Variants in RFTN1 observed in about 807,000 individuals in gnomAD.
The protein encoded by RFTN1 is raftlin, lipid raft linker 1.
In RFTN1, 26 loss-of-function variants were observed where a neutral mutation model predicts 46.5. That is an observed-to-expected ratio of 0.56 (90% confidence interval 0.41 to 0.78). The LOEUF (loss-of-function observed/expected upper bound fraction) is 0.78. Ranked by LOEUF, RFTN1 falls within the 30% of genes least tolerant of loss-of-function variation. The pLI is 0.00. For missense variants in RFTN1, 693 were observed against 718.7 expected (o/e 0.96, Z 0.41); for synonymous variants, 261 against 284.2 (o/e 0.92, Z 0.82).
chr3:16,387,769 G>A lies in RFTN1; in HGVS notation c.442-9667C>T, dbSNP rs975701945. Reference sequence around the variant, plus strand: ...CCACTCACTCTCTAGCTTCTGTACTGCCTCCTCACCGGCAGCTCCCCACAG... The same window carrying A: ...CCACTCACTCTCTAGCTTCTGTACTACCTCCTCACCGGCAGCTCCCCACAG... On this transcript the variant is annotated intron_variant, in intron 4 of 9. Transcript: ENST00000334133. The surrounding 1 kb of genome is among the most constrained non-coding windows in gnomAD (Gnocchi z 5.2). Among the ~76,000 whole-genome samples, 1 of 151,834 alleles carries A rather than the reference G, an allele frequency of 6.6e-6. No homozygotes were observed. The highest frequency in any genetic ancestry group is 2.4e-5 in the African/African-American group (1 of 41,286).
chr3:16,393,851 G>A lies in RFTN1; in HGVS notation c.441+15524C>T, dbSNP rs147951429. Among the ~76,000 whole-genome samples, 1,280 of 151,892 alleles carry A rather than the reference G, an allele frequency of 8.4e-3. 7 individuals are homozygous for A. The highest frequency in any genetic ancestry group is 0.014 in the Non-Finnish European group (926 of 67,952). On this transcript the variant is annotated intron_variant, in intron 4 of 9. Coordinates refer to ENST00000334133, the MANE Select transcript of RFTN1 (RefSeq NM_015150.2). Reference sequence around the variant, plus strand: ...TTTTTTTGTATTTTTAGTATAGACGGGGTTTCACCGTGTTAGCCAGGATCA... The same window carrying A: ...TTTTTTTGTATTTTTAGTATAGACGAGGTTTCACCGTGTTAGCCAGGATCA...
intron 3 of RFTN1, among the ~76,000 whole-genome samples, chr3:16,411,705 G>A (rs1446287725): frequency 2.6e-5 from 4 of 152,288 alleles, no homozygotes; most frequent in Middle Eastern, 3.4e-3. Flanking sequence ...ACTGTCATAC[G>A]TACCATGTGA....
intron 2 of RFTN1, chr3:16,482,699 TTA>T: frequency 1.5e-6 from 2 of 1,347,152 alleles, no homozygotes; most frequent in South Asian, 2.5e-5. Flanking sequence ...GCATGCCACA[TTA>T]GCTGTTATTA....
chr3:16,409,295 G>T, intron 4 of RFTN1, 80 bp downstream of exon 4: 1 of 973,874 alleles, frequency 1.0e-6, no homozygotes, highest in Non-Finnish European at 1.7e-6. Context: ...TGGCTGATCT[G>T]TCCTAAGGCA....
chr3:16,320,954 A>C lies in RFTN1; in HGVS notation c.1332+2422T>G, dbSNP rs1246968488. 6.6e-6 allele frequency among the ~76,000 whole-genome samples: 1 copy of C among 152,222 alleles called. No homozygotes were observed. Among genetic ancestry groups the C allele is most frequent in the African/African-American group, 2.4e-5 (1 of 41,456 alleles). On this transcript the variant is annotated intron_variant, in intron 9 of 9. Coordinates refer to ENST00000334133, the MANE Select transcript of RFTN1 (RefSeq NM_015150.2). The surrounding 1 kb of genome is among the most constrained non-coding windows in gnomAD (Gnocchi z 4.5). ...GGGCTCTGAATAGGGAACCTATTTG[A>C]AGGGGATATCTATTATTAGGAGATT...
chr3:16,342,585 T>C lies in RFTN1; in HGVS notation c.1146+15347A>G, dbSNP rs1381866064. Among the ~76,000 whole-genome samples the C allele has an allele frequency of 6.6e-6, 1 of 152,218 alleles. No individual in the cohort carries two copies. Among genetic ancestry groups the C allele is most frequent in the African/African-American group, 2.4e-5 (1 of 41,444 alleles). ...GGTCATATGGTAACTATGTTTAACATTTTGGGAAAGTGTCCATGGATCACT... is the reference window on the plus strand; with the variant it reads ...GGTCATATGGTAACTATGTTTAACACTTTGGGAAAGTGTCCATGGATCACT... On this transcript the variant is annotated intron_variant, in intron 7 of 9. Transcript: ENST00000334133. The surrounding 1 kb of genome is among the most constrained non-coding windows in gnomAD (Gnocchi z 4.0).
At chr3:16,388,563 A>G (rs1263284600) in intron 4 of RFTN1, among the ~76,000 whole-genome samples, 1 of 152,228 alleles carries the variant, frequency 6.6e-6, no homozygotes, top group Non-Finnish European at 1.5e-5. Context: ...GCCTAGAGAC[A>G]TTAAGGGGGT....
In RFTN1 at chr3:16,342,420, T is replaced by C. The variant is rs917149088; in HGVS notation, c.1146+15512A>G. On this transcript the variant is annotated intron_variant, in intron 7 of 9. Coordinates refer to ENST00000334133, the MANE Select transcript of RFTN1 (RefSeq NM_015150.2). The surrounding 1 kb of genome is among the most constrained non-coding windows in gnomAD (Gnocchi z 4.0). Reference sequence around the variant, plus strand: ...ATTCCATCATATGGATATACCATAGTTTATTCATCATTTGATGAACATTTA... The same window carrying C: ...ATTCCATCATATGGATATACCATAGCTTATTCATCATTTGATGAACATTTA... Among the ~76,000 whole-genome samples the C allele has an allele frequency of 1.3e-5, 2 of 152,258 alleles. No individual in the cohort carries two copies. The highest frequency in any genetic ancestry group is 4.8e-5 in the African/African-American group (2 of 41,470).
intron 2 of RFTN1, among the ~76,000 whole-genome samples, chr3:16,444,804 A>T (rs1160580986): frequency 6.6e-6 from 1 of 152,222 alleles, no homozygotes; most frequent in African/African-American, 2.4e-5. Context: ...GCAAACATTT[A>T]TTCCTTGATT....
chr3:16,461,524 A>G (rs2076008223), intron 2 of RFTN1, among the ~76,000 whole-genome samples: 1 of 152,202 alleles, frequency 6.6e-6, no homozygotes, highest in Non-Finnish European at 1.5e-5. Context: ...ACACACTATC[A>G]CACTATAACC....
At position 16,356,466 on chromosome 3, in the gene RFTN1, T is replaced by C. The variant is rs545209849; in HGVS notation, c.1146+1466A>G. ...TGCTATCACACTTGCAAGCAGTTAT[T>C]TCTCATCCCTGTTCAGACGCAGGTA... On this transcript the variant is annotated intron_variant, in intron 7 of 9. Transcript: ENST00000334133. This position sits in a 1 kb window ranked among gnomAD's most constrained non-coding sequence, Gnocchi z 4.9. Among the ~76,000 whole-genome samples the C allele has an allele frequency of 6.6e-6, 1 of 150,490 alleles. No homozygotes were observed. The highest frequency in any genetic ancestry group is 1.5e-5 in the Non-Finnish European group (1 of 67,484).
At chr3:16,388,794 G>A (rs946581201) in intron 4 of RFTN1, among the ~76,000 whole-genome samples, 6 of 152,148 alleles carry the variant, frequency 3.9e-5, no homozygotes, top group African/African-American at 1.2e-4. Flanking sequence ...ACTAAGATGA[G>A]GCAATGTAGG....
rs1461690303 is a variant in RFTN1 at position 16,504,473 on chromosome 3, G to A, written c.-9+8969C>T. On this transcript the variant is annotated intron_variant, in intron 1 of 9. Transcript: ENST00000334133. This position sits in a 1 kb window ranked among gnomAD's most constrained non-coding sequence, Gnocchi z 4.4. Reference sequence around the variant, plus strand: ...CTGTCAGATGTTGATATTGTGAAGTGCCTCAAGCTAGTAGTTAGCGTGGTA... The same window carrying A: ...CTGTCAGATGTTGATATTGTGAAGTACCTCAAGCTAGTAGTTAGCGTGGTA... 6.6e-6 allele frequency among the ~76,000 whole-genome samples: 1 copy of A among 152,188 alleles called. No homozygotes were observed. Among genetic ancestry groups the A allele is most frequent in the Non-Finnish European group, 1.5e-5 (1 of 68,032 alleles).
chr3:16,508,212 T>C (rs1227052357), intron 1 of RFTN1, among the ~76,000 whole-genome samples: 2 of 152,294 alleles, frequency 1.3e-5, no homozygotes, highest in Admixed American at 6.5e-5. Flanking sequence ...ACAGCCACAG[T>C]ACCAGCCCTC....
At chr3:16,360,989 T>C (rs1453772386) in intron 6 of RFTN1, among the ~76,000 whole-genome samples, 1 of 152,238 alleles carries the variant, frequency 6.6e-6, no homozygotes, top group Non-Finnish European at 1.5e-5. Flanking sequence ...GAATTACATA[T>C]AATTTGAGTT....
rs1217944066 is a variant in RFTN1 at position 16,448,713 on chromosome 3, T to C, written c.146-14676A>G. On this transcript the variant is annotated intron_variant, in intron 2 of 9. Transcript: ENST00000334133. The surrounding 1 kb of genome is among the most constrained non-coding windows in gnomAD (Gnocchi z 4.1). ...TCACACTGCTTCTAAAATGTTTACC[T>C]CTCAGGAGCCACTGCGTTCCCGACC... is the stretch of plus-strand genomic sequence containing the variant. Among the ~76,000 whole-genome samples, 2 of 152,222 alleles carry C rather than the reference T, an allele frequency of 1.3e-5. No individual in the cohort carries two copies. The highest frequency in any genetic ancestry group is 2.9e-5 in the Non-Finnish European group (2 of 68,040).
chr3:16,334,937 G>A lies in RFTN1; in HGVS notation c.1147-8061C>T, dbSNP rs1228695683. ...GATGTGATGGCAGCAGCAGAGGCTGGAGTGATGCAGGGAAGGGGCCACGAG... is the reference window on the plus strand; with the variant it reads ...GATGTGATGGCAGCAGCAGAGGCTGAAGTGATGCAGGGAAGGGGCCACGAG... On this transcript the variant is annotated intron_variant, in intron 7 of 9. Transcript: ENST00000334133. This position sits in a 1 kb window ranked among gnomAD's most constrained non-coding sequence, Gnocchi z 4.3. Among the ~76,000 whole-genome samples, 1 of 152,190 alleles carries A rather than the reference G, an allele frequency of 6.6e-6. No individual in the cohort carries two copies. The highest frequency in any genetic ancestry group is 2.4e-5 in the African/African-American group (1 of 41,458).
In RFTN1 at chr3:16,370,328, T is replaced by C; in HGVS notation, c.827-49A>G. 1.3e-6 allele frequency: 2 copies of C among 1,564,004 alleles called. No homozygotes were observed. Among genetic ancestry groups the C allele is most frequent in the Non-Finnish European group, 1.8e-6 (2 of 1,134,862 alleles). ...GGAGAGAGAAGAGGTCAACTGATGA[T>C]AAAAATCTGTTTCATCGGCTTAAGT... On this transcript the variant is annotated intron_variant, in intron 5 of 9. Transcript: ENST00000334133. The surrounding 1 kb of genome is among the most constrained non-coding windows in gnomAD (Gnocchi z 5.5).
chr3:16,410,243 A>G lies in RFTN1; in HGVS notation c.333-760T>C, dbSNP rs999692445. 8.3e-6 allele frequency among the ~76,000 whole-genome samples: 1 copy of G among 120,824 alleles called. No individual in the cohort carries two copies. The highest frequency in any genetic ancestry group is 2.9e-5 in the African/African-American group (1 of 34,658). The allele number at this position is 120,824 out of a possible 152,430, so 79.3% of individuals were successfully genotyped here. ...CACACACACACACACACACACACAC[A>G]CACACACACACACACAAACTCTCAC... is the stretch of plus-strand genomic sequence containing the variant. On this transcript the variant is annotated intron_variant, in intron 3 of 9. Transcript: ENST00000334133. This position sits in a 1 kb window ranked among gnomAD's most constrained non-coding sequence, Gnocchi z 4.6.
Sources: gnomAD v4.1 joint callset for allele counts (sites outside exome capture counted in the v4.1 genomes callset) on GRCh38, gnomAD v4.1.1 for gene constraint, Gnocchi (gnomAD v3.1) non-coding constraint, MANE v1.5 for transcripts, NCBI Gene and HGNC (gene_info 2026-07-23, HGNC 2026-07-21) for gene names.